Variants in MYO6 observed in about 807,000 individuals in gnomAD.
MYO6 encodes unconventional myosin-VI.
MYO6 carries 74 observed loss-of-function variants against 178.7 expected under a neutral mutation model. The ratio of observed to expected loss-of-function variants is 0.41; its 90% confidence interval spans 0.34 to 0.50. The LOEUF is 0.50. Ranked by LOEUF, MYO6 falls within the 20% of genes least tolerant of loss-of-function variation. The probability of loss-of-function intolerance (pLI) is 0.09; values close to 1 mark genes in which losing one functional copy is unlikely to be tolerated. For synonymous variants in MYO6, 477 were observed against 504.6 expected, an observed-to-expected ratio of 0.95 and a Z score of 0.73; for missense variants, 1,330 against 1,547.4, an observed-to-expected ratio of 0.86 and a Z score of 2.36.
intron 1 of MYO6, among the ~76,000 whole-genome samples, chr6:75,785,657 T>G (rs1297360796): frequency 6.6e-6 from 1 of 151,518 alleles, no homozygotes; most frequent in Non-Finnish European, 1.5e-5. Context: ...TTTTTCCTAT[T>G]GTAAGATCAT....
rs1772967996 is a variant in MYO6 at position 75,830,479 on chromosome 6, T to C, written c.325T>C (p.Ser109Pro). ...PYFDIPKIYS[S>P]EAIKSYQGKS... Reference sequence around the variant, plus strand: ...CTTTGACATACCTAAAATATATTCTTCAGAAGCAATAAAGTCATATCAAGG... The same window carrying C: ...CTTTGACATACCTAAAATATATTCTCCAGAAGCAATAAAGTCATATCAAGG... Residue 109 changes from serine (S) to proline (P), a missense_variant, in exon 5 of 35, where the codon TCA becomes CCA. Ser to Pro is a moderately conservative substitution (Grantham distance 74). Around this residue, in one of 3 missense-constraint regions of MYO6, gnomAD observed 613 missense variants for 816.8 expected, o/e 0.75. Coordinates refer to ENST00000369977, the MANE Select transcript of MYO6 (RefSeq NM_004999.4). 1.9e-6 allele frequency: 3 copies of C among 1,612,284 alleles called. No homozygotes were observed. The highest frequency in any genetic ancestry group is 2.5e-6 in the Non-Finnish European group (3 of 1,178,480).
chr6:75,890,221 A>C lies in MYO6; in HGVS notation c.2823A>C (p.Glu941Asp). ...TGGAAAAGGAAAGAAAAAGACGTGA[A>C]GAAGACGAAAAACGTCGAAGAAAGG... ...EEMEKERKRREEDEKRRRKEE... is the reference protein window; with the variant it reads ...EEMEKERKRRDEDEKRRRKEE... The change falls in exon 26 of 35, where the codon GAA becomes GAC. Residue 941 changes from glutamate (E) to aspartate (D), a missense_variant. Coordinates refer to ENST00000369977, the MANE Select transcript of MYO6 (RefSeq NM_004999.4). The C allele has an allele frequency of 1.9e-6, 3 of 1,612,414 alleles. No homozygotes were observed. The highest frequency in any genetic ancestry group is 1.1e-5 in the South Asian group (1 of 91,046).
At chr6:75,800,785 A>G (rs1174800746) in intron 1 of MYO6, among the ~76,000 whole-genome samples, 3 of 152,132 alleles carry the variant, frequency 2.0e-5, no homozygotes, top group Admixed American at 6.5e-5. Context: ...CAGTGGCACA[A>G]TCTTGACTCA....
At chr6:75,806,500 C>T (rs13196164) in intron 1 of MYO6, among the ~76,000 whole-genome samples, 19,881 of 152,116 alleles carry the variant, frequency 0.13, 1,362 homozygotes, top group Non-Finnish European at 0.15. Context: ...TGGGAACAAG[C>T]GCCCCAAAAT....
chr6:75,807,385 T>TC (rs1770208289), intron 1 of MYO6, among the ~76,000 whole-genome samples: 2 of 152,186 alleles, frequency 1.3e-5, no homozygotes, highest in Non-Finnish European at 2.9e-5. Context: ...AATCATGTCT[T>TC]TTGGTTCTGG....
chr6:75,798,194 T>G (rs1769054860), intron 1 of MYO6, among the ~76,000 whole-genome samples: 1 of 152,236 alleles, frequency 6.6e-6, no homozygotes, highest in Admixed American at 6.5e-5. Context: ...TTCATTCTTC[T>G]GCATATGGCT....
At chr6:75,892,882 C>T (rs1011111108) in intron 28 of MYO6, among the ~76,000 whole-genome samples, 192 bp downstream of exon 28, 1 of 152,062 alleles carries the variant, frequency 6.6e-6, no homozygotes, top group Non-Finnish European at 1.5e-5. Context: ...GATTTTTCAT[C>T]ATATTATTAA....
At chr6:75,757,103 TTGTGTATATA>T (rs1237359248) in intron 1 of MYO6, among the ~76,000 whole-genome samples, 4 of 147,138 alleles carry the variant, frequency 2.7e-5, no homozygotes, top group South Asian at 2.1e-4. Flanking sequence ...GCAATATGTA[TTGTGTATATA>T]TGTGTATATA....
Position 75,911,371 on chromosome 6 carries a change from T to A in MYO6, c.3413-301T>A, listed in dbSNP as rs796139729. On this transcript the variant is annotated intron_variant, in intron 32 of 34. Transcript: ENST00000369977. ...TACTATAATGTCTATTAAGTCATTG[T>A]ATTAGGTTTTTGTTTGGATATGTGT... is the stretch of plus-strand genomic sequence containing the variant. Among the ~76,000 whole-genome samples the A allele has an allele frequency of 2.0e-5, 3 of 152,030 alleles. No homozygotes were observed. The South Asian group carries it at 6.2e-4, about 31-fold the overall frequency.
intron 11 of MYO6, among the ~76,000 whole-genome samples, chr6:75,849,703 TC>T (rs1775077084): frequency 6.6e-6 from 1 of 152,164 alleles, no homozygotes; most frequent in Admixed American, 6.5e-5. Flanking sequence ...TTATGCAGTT[TC>T]CTTTTAAACT....
chr6:75,841,196 CTG>C lies in MYO6; in HGVS notation c.652-14_652-13del. 4.4e-6 allele frequency: 7 copies of C among 1,609,170 alleles called. No homozygotes were observed. The highest frequency in any genetic ancestry group is 5.9e-6 in the Non-Finnish European group (7 of 1,176,480). On this transcript the variant is annotated splice_polypyrimidine_tract_variant and intron_variant, in intron 8 of 34. Coordinates refer to ENST00000369977, the MANE Select transcript of MYO6 (RefSeq NM_004999.4). The stretch of plus-strand genomic sequence containing the variant: ...CTTTAAATGCAAAAATATATTTTCT[CTG>C]TGTTTTGTTTTTTAGAGCTCAGTTG...
intron 1 of MYO6, among the ~76,000 whole-genome samples, chr6:75,798,200 T>G (rs1769055876): frequency 6.6e-6 from 1 of 152,248 alleles, no homozygotes; most frequent in Admixed American, 6.5e-5. Flanking sequence ...CTTCTGCATA[T>G]GGCTAGCCAG....
At chr6:75,875,451 AT>A (rs1777501309) in intron 20 of MYO6, among the ~76,000 whole-genome samples, 1 of 151,874 alleles carries the variant, frequency 6.6e-6, no homozygotes, top group East Asian at 2.0e-4. Flanking sequence ...ATTAAAAAAA[AT>A]TTTTTTTGTA....
At chr6:75,891,739 C>T (rs1395526146) in intron 27 of MYO6, among the ~76,000 whole-genome samples, 1 of 152,150 alleles carries the variant, frequency 6.6e-6, no homozygotes, top group Non-Finnish European at 1.5e-5. Flanking sequence ...ATCCTAGAGA[C>T]CAAAGGCCAG....
intron 1 of MYO6, among the ~76,000 whole-genome samples, chr6:75,795,313 G>A (rs1459039412): frequency 6.6e-6 from 1 of 152,104 alleles, no homozygotes; most frequent in African/African-American, 2.4e-5. Context: ...CCAAAAGTTT[G>A]CTTACTTTTA....
intron 9 of MYO6, among the ~76,000 whole-genome samples, chr6:75,843,968 A>G (rs756473031): frequency 1.3e-5 from 2 of 152,116 alleles, no homozygotes; most frequent in East Asian, 1.9e-4. Context: ...ATAAAATCAT[A>G]GCAACCTGAT....
Position 75,915,604 on chromosome 6 carries a change from C to T in MYO6, c.*592C>T, listed in dbSNP as rs1369005512. ...GAAGTTCTAGAATTCTAGAAAGAGC[C>T]TTAATGTATTTGATGTATTCTGTGA... On this transcript the variant is annotated 3_prime_UTR_variant, in exon 35 of 35. Transcript: ENST00000369977. The T allele has an allele frequency of 6.3e-6, 1 of 158,812 alleles. No homozygotes were observed. The highest frequency in any genetic ancestry group is 2.4e-5 in the African/African-American group (1 of 41,420). The allele number at this position is 158,812 out of a possible 1,614,324, so 9.8% of individuals were successfully genotyped here. A position where few individuals can be genotyped will look rare whatever the true frequency, so the allele number is the denominator to read the frequency against.
At chr6:75,899,649 A>T (rs1023707684) in intron 30 of MYO6, among the ~76,000 whole-genome samples, 1 of 151,980 alleles carries the variant, frequency 6.6e-6, no homozygotes, top group Non-Finnish European at 1.5e-5. Flanking sequence ...CAACAAAGCT[A>T]AAACAGATTT....
At chr6:75,806,230 C>CA (rs1426097980) in intron 1 of MYO6, among the ~76,000 whole-genome samples, 1 of 151,352 alleles carries the variant, frequency 6.6e-6, no homozygotes, top group East Asian at 1.9e-4. Context: ...ACTAAAAATA[C>CA]AAAAAAATTA....
Sources: allele counts gnomAD v4.1 joint callset (sites outside exome capture counted in the v4.1 genomes callset), GRCh38; gene constraint gnomAD v4.1.1; regional missense constraint gnomAD v4.1.1; transcripts MANE v1.5; gene names NCBI Gene and HGNC (gene_info 2026-07-23, HGNC 2026-07-21).